The following ANKRD6 variants were observed in gnomAD, a reference collection of about 807,000 sequenced individuals.
ANKRD6 encodes ankyrin repeat domain-containing protein 6.
In ANKRD6, 56 loss-of-function variants were observed where a neutral mutation model predicts 82.3. The ratio of observed to expected loss-of-function variants is 0.68; its 90% CI spans 0.55 to 0.85. The LOEUF (loss-of-function observed/expected upper bound fraction) is 0.85. Ranked by LOEUF, ANKRD6 falls within the 40% of genes least tolerant of loss-of-function variation. The probability of loss-of-function intolerance (pLI) is 0.00; values close to 1 mark genes in which losing one functional copy is unlikely to be tolerated. For synonymous variants in ANKRD6, 347 were observed against 352.1 expected, an observed-to-expected ratio of 0.99 and a Z score of 0.16; for missense variants, 852 against 907.6, an observed-to-expected ratio of 0.94 and a Z score of 0.79.
intron 1 of ANKRD6, among the ~76,000 whole-genome samples, chr6:89,502,175 ATAGTAGG>A (rs1212850266): frequency 6.6e-6 from 1 of 152,224 alleles, no homozygotes; most frequent in Non-Finnish European, 1.5e-5. Context: ...AATTATTAGG[ATAGTAGG>A]CATATCTGGG....
intron 1 of ANKRD6, among the ~76,000 whole-genome samples, chr6:89,479,802 A>G (rs1316686003): frequency 6.6e-6 from 1 of 151,974 alleles, no homozygotes; most frequent in Non-Finnish European, 1.5e-5. Flanking sequence ...TAGTGATTGA[A>G]TCATAGAAAT....
chr6:89,601,598 C>G (rs1000515691), intron 3 of ANKRD6: 1 of 152,046 alleles, frequency 6.6e-6, no homozygotes, highest in African/African-American at 2.4e-5. Flanking sequence ...TTTAAGAAAG[C>G]AATTTTGAGT....
Position 89,629,144 on chromosome 6 carries a change from C to T in ANKRD6, c.1518C>T (p.Cys506=), listed in dbSNP as rs9353687. Residue 506 remains cysteine (C), a synonymous_variant, in exon 15 of 16, where the codon TGC becomes TGT. Coordinates refer to ENST00000339746, the MANE Select transcript of ANKRD6 (RefSeq NM_001242809.2). ...ISLVDELKTW[C]MLKIQNLEQK... ...TGGTGGATGAATTAAAAACCTGGTGCATGTTAAAGATTCAGAATCTGGAGC... is the reference window on the plus strand; with the variant it reads ...TGGTGGATGAATTAAAAACCTGGTGTATGTTAAAGATTCAGAATCTGGAGC... 283,296 of 1,611,780 alleles carry T rather than the reference C, an allele frequency of 0.18. 25,618 individuals are homozygous for T. The highest frequency in any genetic ancestry group is 0.2 in the East Asian group (8,935 of 44,846).
chr6:89,598,708 C>T (rs928551129), intron 3 of ANKRD6, among the ~76,000 whole-genome samples: 1 of 152,234 alleles, frequency 6.6e-6, no homozygotes, highest in African/African-American at 2.4e-5. Context: ...TCACGTACTT[C>T]GCAAATGGGT....
chr6:89,547,911 C>T (rs777933765), intron 1 of ANKRD6, among the ~76,000 whole-genome samples: 13 of 152,090 alleles, frequency 8.5e-5, no homozygotes, highest in African/African-American at 2.7e-4. Context: ...TTATCACCCT[C>T]GTTTTACAAA....
chr6:89,545,295 T>G (rs1784958378), intron 1 of ANKRD6, among the ~76,000 whole-genome samples: 1 of 152,048 alleles, frequency 6.6e-6, no homozygotes, highest in South Asian at 2.1e-4. Flanking sequence ...TTCAAGATTC[T>G]GGGACTTGTC....
intron 1 of ANKRD6, among the ~76,000 whole-genome samples, chr6:89,564,701 C>T (rs1240861310): frequency 1.1e-4 from 17 of 152,180 alleles, no homozygotes; most frequent in Admixed American, 1.1e-3. Context: ...CCCTCAGGGG[C>T]TAAGCCATGG....
chr6:89,607,267 AG>A (rs896627733), intron 5 of ANKRD6, among the ~76,000 whole-genome samples: 156 of 152,274 alleles, frequency 1.0e-3, no homozygotes, highest in African/African-American at 3.6e-3. Flanking sequence ...AATATGGAAA[AG>A]AAAAAAATAA....
chr6:89,587,610 G>A (rs1007764639), intron 2 of ANKRD6, among the ~76,000 whole-genome samples: 1 of 152,076 alleles, frequency 6.6e-6, no homozygotes, highest in African/African-American at 2.4e-5. Flanking sequence ...TTATTTTACA[G>A]GGCCATCCTA....
At chr6:89,525,659 C>T (rs868806452) in intron 1 of ANKRD6, among the ~76,000 whole-genome samples, 5 of 152,288 alleles carry the variant, frequency 3.3e-5, no homozygotes, top group Non-Finnish European at 5.9e-5. Context: ...TAGAGTCATA[C>T]ATATTCAGCA....
At chr6:89,518,205 C>G (rs1781454888) in intron 1 of ANKRD6, among the ~76,000 whole-genome samples, 1 of 151,888 alleles carries the variant, frequency 6.6e-6, no homozygotes, top group Non-Finnish European at 1.5e-5. Context: ...GAGTTCGTGA[C>G]CAGCCTGACC....
chr6:89,545,784 T>C (rs1305859861), intron 1 of ANKRD6, among the ~76,000 whole-genome samples: 1 of 152,128 alleles, frequency 6.6e-6, no homozygotes, highest in Admixed American at 6.6e-5. Flanking sequence ...AAAGATGGCA[T>C]CTGGATTAAA....
At chr6:89,533,701 TGA>T (rs146850369) in intron 1 of ANKRD6, among the ~76,000 whole-genome samples, 25 of 144,688 alleles carry the variant, frequency 1.7e-4, no homozygotes, top group Middle Eastern at 3.5e-3. Flanking sequence ...CCATCACGAA[TGA>T]GAGAGAGAGA....
chr6:89,568,385 G>A (rs1184771095), intron 2 of ANKRD6: 1 of 151,902 alleles, frequency 6.6e-6, no homozygotes, highest in Non-Finnish European at 1.5e-5. Flanking sequence ...ATGCACTTAG[G>A]GCATAGTCTG....
intron 7 of ANKRD6, among the ~76,000 whole-genome samples, chr6:89,615,632 C>T (rs913642670): frequency 5.3e-5 from 8 of 152,200 alleles, no homozygotes; most frequent in African/African-American, 1.9e-4. Context: ...CCCTTCAATA[C>T]ACATAGCTAA....
intron 1 of ANKRD6, among the ~76,000 whole-genome samples, chr6:89,555,185 G>A (rs1026820789): frequency 3.5e-5 from 5 of 142,968 alleles, no homozygotes; most frequent in African/African-American, 1.3e-4. Context: ...CAACTCTCCC[G>A]CTTGTCCTCT....
chr6:89,584,773 C>T (rs550576826), intron 2 of ANKRD6, among the ~76,000 whole-genome samples: 4 of 152,174 alleles, frequency 2.6e-5, no homozygotes, highest in African/African-American at 7.2e-5. Flanking sequence ...ACCACGTATT[C>T]GGTGGCTTAA....
chr6:89,627,318 C>G (rs1401730101), intron 13 of ANKRD6, among the ~76,000 whole-genome samples: 2 of 152,192 alleles, frequency 1.3e-5, no homozygotes, highest in African/African-American at 2.4e-5. Flanking sequence ...CGCACCACGC[C>G]TGGCCTGTAT....
At chr6:89,610,106 AC>A (rs1799842314) in intron 5 of ANKRD6, among the ~76,000 whole-genome samples, 1 of 152,062 alleles carries the variant, frequency 6.6e-6, no homozygotes, top group South Asian at 2.1e-4. Context: ...ATATATATCT[AC>A]CCTAGGTCAC....
Sources: allele counts gnomAD v4.1 joint callset (sites outside exome capture counted in the v4.1 genomes callset), GRCh38; gene constraint gnomAD v4.1.1; transcripts MANE v1.5; gene names NCBI Gene and HGNC (gene_info 2026-07-23, HGNC 2026-07-21).